The following SPATA13 variants were observed in gnomAD, a reference collection of about 807,000 sequenced individuals.
SPATA13 encodes the protein spermatogenesis associated 13.
Under a neutral mutation model 104.0 loss-of-function variants are expected in SPATA13, and 50 were observed. The observed-to-expected ratio is 0.48, with a 90% CI of 0.38 to 0.61. SPATA13 has a LOEUF of 0.61. Among genes scored for constraint, SPATA13 ranks in the 20% least tolerant of loss-of-function variants. SPATA13 has a pLI of 0.00. For missense variants in SPATA13, 1,524 were observed against 1,690.6 expected, an observed-to-expected ratio of 0.90 and a Z score of 1.73; for synonymous variants, 606 against 667.5, an observed-to-expected ratio of 0.91 and a Z score of 1.42.
intron 2 of SPATA13, among the ~76,000 whole-genome samples, chr13:23,984,090 C>T (rs937478572): frequency 3.3e-5 from 5 of 152,204 alleles, no homozygotes; most frequent in African/African-American, 1.2e-4. Context: ...GTAATTGGAA[C>T]GTGTGGCAAG....
chr13:24,228,504 C>T (rs1470917197), intron 2 of SPATA13, among the ~76,000 whole-genome samples: 2 of 152,098 alleles, frequency 1.3e-5, no homozygotes, highest in African/African-American at 2.4e-5. Context: ...TGGGAATGTT[C>T]GGTGTTACTT....
chr13:24,211,593 G>A (rs369528351), intron 1 of SPATA13, among the ~76,000 whole-genome samples: 2 of 152,006 alleles, frequency 1.3e-5, no homozygotes, highest in Admixed American at 6.6e-5. Flanking sequence ...GTGCATCTCC[G>A]TTGGACCCAG....
At chr13:23,991,903 G>GTA (rs1482425502) in intron 2 of SPATA13, among the ~76,000 whole-genome samples, 3 of 152,142 alleles carry the variant, frequency 2.0e-5, no homozygotes, top group Non-Finnish European at 2.9e-5. Flanking sequence ...TCAGGCTTTG[G>GTA]TATAGTGCAA....
At chr13:24,058,723 G>A in intron 3 of SPATA13, among the ~76,000 whole-genome samples, 1 of 151,670 alleles carries the variant, frequency 6.6e-6, no homozygotes, top group East Asian at 1.9e-4. Flanking sequence ...AACTATTGGA[G>A]GCATTATCTA....
At chr13:24,219,367 G>A (rs902866360) in intron 1 of SPATA13, among the ~76,000 whole-genome samples, 1 of 152,138 alleles carries the variant, frequency 6.6e-6, no homozygotes, top group Non-Finnish European at 1.5e-5. Flanking sequence ...AAAGCATATT[G>A]TCCCAATTAG....
At chr13:23,980,253 C>T (rs1417538251) in intron 1 of SPATA13, among the ~76,000 whole-genome samples, 4 of 152,128 alleles carry the variant, frequency 2.6e-5, no homozygotes, top group African/African-American at 9.7e-5. Flanking sequence ...CATAGGGGCG[C>T]CGGGGCAGTA....
chr13:24,210,997 G>A (rs187909944), intron 1 of SPATA13, among the ~76,000 whole-genome samples: 2 of 151,796 alleles, frequency 1.3e-5, no homozygotes, highest in Admixed American at 6.6e-5. Flanking sequence ...TATTCTTTTC[G>A]ATGCTTTTGC....
intron 1 of SPATA13, among the ~76,000 whole-genome samples, chr13:24,172,623 A>G (rs1883023477): frequency 6.6e-6 from 1 of 152,150 alleles, no homozygotes; most frequent in African/African-American, 2.4e-5. Flanking sequence ...TCCTTCTTGC[A>G]TTCAGTTGGT....
intron 2 of SPATA13, among the ~76,000 whole-genome samples, chr13:24,005,847 C>G (rs1876197354): frequency 6.6e-6 from 1 of 152,238 alleles, no homozygotes; most frequent in African/African-American, 2.4e-5. Flanking sequence ...TTTCTGCACA[C>G]AGCAGCATAG....
At chr13:24,153,317 G>C (rs1882160535) in intron 3 of SPATA13, among the ~76,000 whole-genome samples, 1 of 152,196 alleles carries the variant, frequency 6.6e-6, no homozygotes, top group African/African-American at 2.4e-5. Flanking sequence ...GGGCTGTGTG[G>C]CCCACGTGGC....
At chr13:24,145,940 T>G (rs557687513) in intron 3 of SPATA13, among the ~76,000 whole-genome samples, 7 of 152,212 alleles carry the variant, frequency 4.6e-5, no homozygotes, top group African/African-American at 1.7e-4. Context: ...GGACGAGCAC[T>G]CCCGACCAAG....
At chr13:24,284,660 T>C (rs1328567321) in intron 5 of SPATA13, among the ~76,000 whole-genome samples, 1 of 152,066 alleles carries the variant, frequency 6.6e-6, no homozygotes, top group Non-Finnish European at 1.5e-5. Context: ...CGAGACTCCA[T>C]CTCAAAAATA....
Position 24,040,200 on chromosome 13 carries a change from G to A in SPATA13, c.-112+22499G>A, listed in dbSNP as rs1158750362. Among the ~76,000 whole-genome samples the A allele has an allele frequency of 5.9e-5, 9 of 152,322 alleles. No homozygotes were observed. The East Asian group carries it at 1.5e-3, about 26-fold the overall frequency. On this transcript the variant is annotated intron_variant, in intron 3 of 14. Transcript: ENST00000424834. ...CCCTATGCCAGCAAAACCAGAGAGA[G>A]CGTTAAGTCAGGGTTCTGGCCTGGG... is the stretch of plus-strand genomic sequence containing the variant.
At chr13:24,016,389 C>T (rs1876714398) in intron 2 of SPATA13, among the ~76,000 whole-genome samples, 1 of 152,220 alleles carries the variant, frequency 6.6e-6, no homozygotes, top group Non-Finnish European at 1.5e-5. Flanking sequence ...TCTGACATCA[C>T]CCTGGATGTC....
At chr13:24,232,389 A>G (rs1190729496) in intron 2 of SPATA13, among the ~76,000 whole-genome samples, 1 of 152,186 alleles carries the variant, frequency 6.6e-6, no homozygotes, top group Non-Finnish European at 1.5e-5. Flanking sequence ...TACTGATTCC[A>G]ATGCCAGTCT....
intron 1 of SPATA13, among the ~76,000 whole-genome samples, chr13:24,196,108 G>T (rs1238912104): frequency 6.6e-6 from 1 of 152,110 alleles, no homozygotes; most frequent in Non-Finnish European, 1.5e-5. Context: ...TTAACTTACT[G>T]CAGAGTTTTC....
intron 3 of SPATA13, among the ~76,000 whole-genome samples, chr13:24,116,971 A>G (rs1226191201): frequency 1.3e-5 from 2 of 152,226 alleles, no homozygotes; most frequent in Non-Finnish European, 2.9e-5. Flanking sequence ...GAGAGTACTG[A>G]CCAGGAACTT....
upstream of SPATA13, among the ~76,000 whole-genome samples, chr13:24,159,498 C>A (rs1405955338): frequency 6.6e-6 from 1 of 152,118 alleles, no homozygotes; most frequent in Non-Finnish European, 1.5e-5. Flanking sequence ...TACTCCCTCA[C>A]GCCCCTCCCT....
chr13:24,297,693 T>G lies in SPATA13; in HGVS notation c.3541T>G (p.Cys1181Gly). The change falls in exon 11 of 13, where the codon TGT (cysteine) becomes GGT (glycine). Residue 1181 changes from cysteine (C) to glycine (G), a missense_variant. By Grantham distance (159) the Cys-to-Gly change is radical. Transcript: ENST00000382108. ...AGACAAGGCGAGGTGGCTGCAGGCC[T>G]GTGCAGATGAAAGGAGGCGGGTGCA... ...QEDKARWLQA[C>G]ADERRRVQED... The G allele has an allele frequency of 6.2e-7, 1 of 1,613,962 alleles. No homozygotes were observed. Among genetic ancestry groups the G allele is most frequent in the Non-Finnish European group, 8.5e-7 (1 of 1,179,816 alleles).
Sources: gnomAD v4.1 joint callset for allele counts (sites outside exome capture counted in the v4.1 genomes callset) on GRCh38, gnomAD v4.1.1 for gene constraint, MANE v1.5 for transcripts, NCBI Gene and HGNC (gene_info 2026-07-23, HGNC 2026-07-21) for gene names.